Variants in AIM2 observed in about 807,000 individuals in gnomAD.
AIM2 encodes the protein absent in melanoma 2.
A neutral mutation model predicts 27.7 loss-of-function variants in AIM2; 30 were observed. That is an observed-to-expected ratio of 1.08 (90% CI 0.81 to 1.47). The LOEUF (loss-of-function observed/expected upper bound fraction) is 1.47. Among genes scored for constraint, AIM2 ranks in the 40% most tolerant of loss-of-function variants. The pLI is 0.00. For synonymous variants in AIM2, 141 were observed against 145.3 expected, an observed-to-expected ratio of 0.97 and a Z score of 0.21; for missense variants, 358 against 411.3, an observed-to-expected ratio of 0.87 and a Z score of 1.12.
At chr1:159,111,018 C>T (rs191429123) in intron 1 of AIM2, among the ~76,000 whole-genome samples, 128 of 152,018 alleles carry the variant, frequency 8.4e-4, no homozygotes, top group Middle Eastern at 3.4e-3. Flanking sequence ...CTAATAACAA[C>T]GCTTATTGGG....
intron 5 of AIM2, among the ~76,000 whole-genome samples, 161 bp from the exon 6 acceptor site, chr1:159,062,879 T>G (rs1184877879): frequency 6.6e-6 from 1 of 152,188 alleles, no homozygotes; most frequent in Non-Finnish European, 1.5e-5. Context: ...ATCATACTCC[T>G]GAAGTGAATA....
intron 1 of AIM2, among the ~76,000 whole-genome samples, chr1:159,096,752 G>T (rs183605071): frequency 1.3e-5 from 2 of 152,180 alleles, no homozygotes; most frequent in Admixed American, 1.3e-4. Flanking sequence ...GTAACTATTT[G>T]TAGGTACCAG....
At chr1:159,123,122 A>G (rs1647585298) in intron 1 of AIM2, among the ~76,000 whole-genome samples, 1 of 152,216 alleles carries the variant, frequency 6.6e-6, no homozygotes, top group African/African-American at 2.4e-5. Flanking sequence ...CAACCCACAA[A>G]TGAAATAGTA....
intron 1 of AIM2, among the ~76,000 whole-genome samples, chr1:159,087,326 T>TA (rs55914336): frequency 0.61 from 90,161 of 146,890 alleles, 33,347 homozygotes; most frequent in Non-Finnish European, 0.8. Context: ...GAGGTTGTGA[T>TA]AAAAAAAAAA....
At chr1:159,130,974 GA>G (rs1057214824) in intron 1 of AIM2, among the ~76,000 whole-genome samples, 66 of 152,180 alleles carry the variant, frequency 4.3e-4, no homozygotes, top group African/African-American at 1.6e-3. Flanking sequence ...AGACTGCCTG[GA>G]GTGCTTTTTT....
downstream of AIM2, among the ~76,000 whole-genome samples, chr1:159,060,265 T>C (rs1655789427): frequency 6.6e-6 from 1 of 152,234 alleles, no homozygotes; most frequent in Non-Finnish European, 1.5e-5. Context: ...TTCATTGTTT[T>C]AAAGTCCCTG....
Position 159,073,573 on chromosome 1 carries a change from C to G in AIM2, c.-20-54G>C, listed in dbSNP as rs1479967357. 6 of 1,469,954 alleles carry G rather than the reference C, an allele frequency of 4.1e-6. No homozygotes were observed. In the East Asian group the frequency reaches 6.9e-5, roughly 17 times the overall value. 91.1% of individuals were successfully genotyped at this position (1,469,954 alleles called of 1,614,324 possible). A position where few individuals can be genotyped will look rare whatever the true frequency, so the allele number is the denominator to read the frequency against. ...ACACCACCAAAAGTGATTCTACATT[C>G]AAAATAAAGCAAGGTGAGCTATTAA... is the stretch of plus-strand genomic sequence containing the variant. On this transcript the variant is annotated intron_variant, in intron 1 of 5. Transcript: ENST00000368130.
At chr1:159,146,277 A>G (rs973270590) in intron 1 of AIM2, among the ~76,000 whole-genome samples, 2 of 152,058 alleles carry the variant, frequency 1.3e-5, no homozygotes, top group Non-Finnish European at 2.9e-5. Flanking sequence ...TGCTTCACCC[A>G]AACCCAAGAA....
intron 1 of AIM2, among the ~76,000 whole-genome samples, chr1:159,089,850 A>G (rs915926339): frequency 1.3e-5 from 2 of 152,148 alleles, no homozygotes; most frequent in Admixed American, 6.5e-5. Flanking sequence ...TTAGTTCAGT[A>G]ACTATTTGTT....
At chr1:159,069,466 T>C (rs540192780) in intron 2 of AIM2, among the ~76,000 whole-genome samples, 1 of 152,186 alleles carries the variant, frequency 6.6e-6, no homozygotes, top group South Asian at 2.1e-4. Context: ...TATGTGTATA[T>C]GTAATTATCA....
intron 1 of AIM2, among the ~76,000 whole-genome samples, chr1:159,082,823 G>A (rs971117652): frequency 6.6e-6 from 1 of 152,236 alleles, no homozygotes; most frequent in African/African-American, 2.4e-5. Flanking sequence ...TGTCACCCCA[G>A]GATAATGGTG....
intron 1 of AIM2, among the ~76,000 whole-genome samples, chr1:159,091,434 T>A (rs1237776591): frequency 2.0e-5 from 3 of 152,242 alleles, no homozygotes; most frequent in Non-Finnish European, 4.4e-5. Context: ...GCTGGGTCCC[T>A]TTTGACTACT....
At chr1:159,065,790 T>C in intron 4 of AIM2, 120 bp downstream of exon 4, 3 of 1,114,280 alleles carry the variant, frequency 2.7e-6, no homozygotes, top group Non-Finnish European at 3.6e-6. Context: ...TTTAGAACTT[T>C]GTATTTTTTT....
At chr1:159,142,632 G>C (rs1648137023), upstream of AIM2, among the ~76,000 whole-genome samples, 1 of 152,040 alleles carries the variant, frequency 6.6e-6, no homozygotes, top group South Asian at 2.1e-4. Context: ...AACTATCCTA[G>C]TACAATCAAA....
intron 5 of AIM2, 71 bp downstream of exon 5, chr1:159,063,415 T>A: frequency 1.4e-6 from 2 of 1,445,464 alleles, no homozygotes; most frequent in Non-Finnish European, 1.9e-6. Flanking sequence ...ATGGCTCCAG[T>A]CCGGCTTTCT....
chr1:159,139,098 C>T (rs955703840), intron 1 of AIM2, among the ~76,000 whole-genome samples: 1 of 152,214 alleles, frequency 6.6e-6, no homozygotes, highest in Non-Finnish European at 1.5e-5. Context: ...CAAAACACCA[C>T]CCCTCAGGAT....
chr1:159,104,723 G>A (rs1461244900), intron 1 of AIM2, among the ~76,000 whole-genome samples: 2 of 152,084 alleles, frequency 1.3e-5, no homozygotes, highest in Non-Finnish European at 2.9e-5. Flanking sequence ...GGTAGCTACT[G>A]GAAAATTTTA....
intron 1 of AIM2, among the ~76,000 whole-genome samples, chr1:159,096,437 G>T (rs964342089): frequency 5.9e-5 from 9 of 152,094 alleles, no homozygotes; most frequent in African/African-American, 2.2e-4. Context: ...ATAAATGTTG[G>T]ATGTGTCATG....
chr1:159,072,415 C>T (rs1018936791), intron 2 of AIM2, among the ~76,000 whole-genome samples: 1 of 152,140 alleles, frequency 6.6e-6, no homozygotes, highest in East Asian at 1.9e-4. Context: ...TTTGCTGCTA[C>T]TGTTGTACTT....
Sources: gnomAD v4.1 joint callset for allele counts (sites outside exome capture counted in the v4.1 genomes callset) on GRCh38, gnomAD v4.1.1 for gene constraint, MANE v1.5 for transcripts, NCBI Gene and HGNC (gene_info 2026-07-23, HGNC 2026-07-21) for gene names.